RNF175: variants seen among roughly 807,000 people sequenced by gnomAD.
RNF175 encodes the protein ring finger protein 175.
A neutral mutation model predicts 50.0 loss-of-function variants in RNF175; 38 were observed. The ratio of observed to expected loss-of-function variants is 0.76; its 90% CI spans 0.59 to 1.00. The LOEUF (loss-of-function observed/expected upper bound fraction) is 1.00. RNF175 is among the 50% of genes least tolerant of loss of function. RNF175 has a pLI of 0.00. For missense variants in RNF175, 388 were observed against 409.6 expected (o/e 0.95, Z 0.46); for synonymous variants, 155 against 146.1 (o/e 1.06, Z -0.44).
chr4:153,740,190 C>G (rs1461005236), intron 3 of RNF175, among the ~76,000 whole-genome samples: 1 of 151,592 alleles, frequency 6.6e-6, no homozygotes, highest in East Asian at 1.9e-4. Context: ...TTATTTTTAG[C>G]ATTTTAAAAG....
chr4:153,718,234 G>GTTTTTTTTTTTTTTTTTTTTTTTTT (rs1276542726), intron 6 of RNF175, among the ~76,000 whole-genome samples: 1 of 64,258 alleles, frequency 1.6e-5, no homozygotes, highest in Non-Finnish European at 2.9e-5. Flanking sequence ...TTGTTTGTTT[G>GTTTTTTTTTTTTTTTTTTTTTTTTT]TTTGTTTTTT....
intron 1 of RNF175, among the ~76,000 whole-genome samples, chr4:153,755,246 C>A (rs569696636): frequency 6.2e-4 from 95 of 152,368 alleles, no homozygotes; most frequent in Non-Finnish European, 1.1e-3. Context: ...CAATTTAAGC[C>A]AAGAGAAAAG....
chr4:153,745,418 G>A (rs190484887), intron 3 of RNF175, among the ~76,000 whole-genome samples: 3 of 152,342 alleles, frequency 2.0e-5, no homozygotes, highest in Admixed American at 2.0e-4. Context: ...AAGGCCCACA[G>A]TATGACTCTC....
chr4:153,711,740 C>G (rs1197901868), intron 8 of RNF175, among the ~76,000 whole-genome samples: 1 of 152,124 alleles, frequency 6.6e-6, no homozygotes, highest in African/African-American at 2.4e-5. Context: ...ATACTATGGT[C>G]TTGAGATAGT....
intron 3 of RNF175, among the ~76,000 whole-genome samples, chr4:153,735,150 C>T (rs1047479056): frequency 6.6e-6 from 1 of 151,620 alleles, no homozygotes; most frequent in Non-Finnish European, 1.5e-5. Flanking sequence ...TACAGTTTTG[C>T]ATTTTTCATT....
chr4:153,723,954 G>A lies in RNF175; in HGVS notation c.402-496C>T, dbSNP rs535148386. On this transcript the variant is annotated intron_variant, in intron 4 of 8. Transcript: ENST00000347063. ...CCCAGCCCCAGTGCAGATATCACCA[G>A]TAGTGGGCCCAGCCCTCATCCCATG... 2.0e-5 allele frequency among the ~76,000 whole-genome samples: 3 copies of A among 152,246 alleles called. No individual in the cohort carries two copies. In the East Asian group the frequency reaches 5.8e-4, roughly 29 times the overall value.
chr4:153,732,260 AAAAC>A (rs907434903), intron 3 of RNF175, among the ~76,000 whole-genome samples: 22 of 152,124 alleles, frequency 1.4e-4, no homozygotes, highest in Non-Finnish European at 2.6e-4. Context: ...CAAAAAACAA[AAAAC>A]AAAGAAGAAG....
chr4:153,717,076 A>C (rs912715965), intron 6 of RNF175, among the ~76,000 whole-genome samples: 4 of 152,162 alleles, frequency 2.6e-5, no homozygotes, highest in Admixed American at 2.6e-4. Context: ...AGATTTGACT[A>C]TTCTCTTCCA....
chr4:153,719,405 A>G (rs11945694), intron 6 of RNF175, among the ~76,000 whole-genome samples: 1 of 151,958 alleles, frequency 6.6e-6, no homozygotes, highest in Non-Finnish European at 1.5e-5. Context: ...TCTACTTCAC[A>G]TCTGGCTGTG....
Position 153,729,627 on chromosome 4 carries a change from G to A in RNF175, c.247-1266C>T, listed in dbSNP as rs544451322. 4.1e-6 allele frequency: 4 copies of A among 975,950 alleles called. No homozygotes were observed. In the African/African-American group the frequency reaches 5.2e-5, roughly 13 times the overall value. 60.5% of individuals were successfully genotyped at this position (975,950 alleles called of 1,614,324 possible). On this transcript the variant is annotated intron_variant, in intron 3 of 8. Transcript: ENST00000347063. ...TAGAAATGAGAAAGGCAAGACCACA[G>A]CCATTCTTCTTTCAATGTCAGATAA...
At chr4:153,747,793 G>C (rs1337770768) in intron 3 of RNF175, among the ~76,000 whole-genome samples, 1 of 152,216 alleles carries the variant, frequency 6.6e-6, no homozygotes, top group African/African-American at 2.4e-5. Flanking sequence ...ATTTGTTATA[G>C]TAACAGACCC....
chr4:153,744,419 T>A (rs999548220), intron 3 of RNF175, among the ~76,000 whole-genome samples: 1 of 150,220 alleles, frequency 6.7e-6, no homozygotes, highest in African/African-American at 2.5e-5. Context: ...CAAAACTCCA[T>A]CTCAAAGAAA....
At chr4:153,724,391 G>A (rs1297273919) in intron 4 of RNF175, among the ~76,000 whole-genome samples, 2 of 152,214 alleles carry the variant, frequency 1.3e-5, no homozygotes, top group Admixed American at 1.3e-4. Flanking sequence ...TATCTTTGTT[G>A]CTCAAAGAAA....
At chr4:153,728,559 A>G (rs1033265022) in intron 3 of RNF175, among the ~76,000 whole-genome samples, 198 bp from the exon 4 acceptor site, 3 of 152,320 alleles carry the variant, frequency 2.0e-5, no homozygotes, top group African/African-American at 7.2e-5. Flanking sequence ...TTATCTGAAA[A>G]TTCCAATGGG....
intron 4 of RNF175, among the ~76,000 whole-genome samples, chr4:153,725,950 C>T (rs1738671171): frequency 6.6e-6 from 1 of 152,166 alleles, no homozygotes; most frequent in South Asian, 2.1e-4. Context: ...CAGACTTACA[C>T]TGTAAGGCAG....
intron 7 of RNF175, chr4:153,715,294 G>A: frequency 1.8e-6 from 1 of 567,478 alleles, no homozygotes; most frequent in East Asian, 3.3e-5. Flanking sequence ...TGTCTATGTG[G>A]CATTAACAGT....
chr4:153,724,742 T>C (rs1349960111), intron 4 of RNF175, among the ~76,000 whole-genome samples: 1 of 151,966 alleles, frequency 6.6e-6, no homozygotes, highest in African/African-American at 2.4e-5. Context: ...AACATCATGG[T>C]TTAAATGGGT....
chr4:153,711,425 G>A (rs112060666), intron 8 of RNF175, among the ~76,000 whole-genome samples: 8 of 152,180 alleles, frequency 5.3e-5, no homozygotes, highest in African/African-American at 1.7e-4. Context: ...ATCCACTGAT[G>A]TTGCCTCCTT....
At chr4:153,724,885 G>C (rs1486375631) in intron 4 of RNF175, among the ~76,000 whole-genome samples, 2 of 151,586 alleles carry the variant, frequency 1.3e-5, no homozygotes, top group Non-Finnish European at 2.9e-5. Context: ...CCTGCCCCAG[G>C]GGGGAGTAGG....
Sources: allele counts gnomAD v4.1 joint callset (sites outside exome capture counted in the v4.1 genomes callset), GRCh38; gene constraint gnomAD v4.1.1; transcripts MANE v1.5; gene names NCBI Gene and HGNC (gene_info 2026-07-23, HGNC 2026-07-21).